The following DNAI7 variants were observed in gnomAD, a reference collection of about 807,000 sequenced individuals.
The protein encoded by DNAI7 is cancer susceptibility 1.
DNAI7 carries 78 observed loss-of-function variants against 86.6 expected under a neutral mutation model. The observed-to-expected ratio is 0.90, with a 90% CI of 0.75 to 1.09. DNAI7 has a LOEUF of 1.09. Among genes scored for constraint, DNAI7 ranks in the 50% least tolerant of loss-of-function variants. The pLI, the probability that DNAI7 is intolerant of heterozygous loss-of-function variation, is 0.00. For missense variants in DNAI7, 753 were observed against 810.2 expected (o/e 0.93, Z 0.86); for synonymous variants, 274 against 273.0 (o/e 1.00, Z -0.04).
At chr12:25,111,675 TA>T in intron 14 of DNAI7, 96 bp downstream of exon 14, 1 of 549,072 alleles carries the variant, frequency 1.8e-6, no homozygotes. Context: ...AATGAATATA[TA>T]AAATACAGTG....
intron 2 of DNAI7, chr12:25,185,724 A>G: frequency 1.0e-6 from 1 of 961,940 alleles, no homozygotes; most frequent in Non-Finnish European, 1.2e-6. Context: ...TCAGCACTGA[A>G]TGTTCCATGA....
chr12:25,110,780 T>TCA (rs1166874352), intron 14 of DNAI7, among the ~76,000 whole-genome samples: 1 of 152,230 alleles, frequency 6.6e-6, no homozygotes, highest in Non-Finnish European at 1.5e-5. Flanking sequence ...ATAGCACTTT[T>TCA]CACCTTTTTA....
intron 1 of DNAI7, among the ~76,000 whole-genome samples, chr12:25,193,558 GA>G (rs1950728410): frequency 1.3e-5 from 2 of 152,158 alleles, no homozygotes; most frequent in South Asian, 4.1e-4. Context: ...GCAGACTTAG[GA>G]AACTAATACA....
At chr12:25,134,352 C>CTTTTTTTTTTTTT (rs5797119) in intron 9 of DNAI7, among the ~76,000 whole-genome samples, 1 of 91,178 alleles carries the variant, frequency 1.1e-5, no homozygotes, top group Non-Finnish European at 2.0e-5. Context: ...CCTTGGCGTA[C>CTTTTTTTTTTTTT]TTTTTTTTTT....
intron 4 of DNAI7, among the ~76,000 whole-genome samples, chr12:25,157,400 T>C (rs1250878177): frequency 6.6e-6 from 1 of 152,130 alleles, no homozygotes; most frequent in Non-Finnish European, 1.5e-5. Context: ...AGATTTTCCT[T>C]ATATGCTTCA....
At chr12:25,190,938 C>G (rs867729561) in intron 1 of DNAI7, among the ~76,000 whole-genome samples, 1 of 152,100 alleles carries the variant, frequency 6.6e-6, no homozygotes, top group South Asian at 2.1e-4. Flanking sequence ...TAATGAAATG[C>G]CCTGTTACTA....
At chr12:25,121,946 G>C (rs199752716) in intron 10 of DNAI7, 33 bp from the exon 11 acceptor site, 1 of 1,435,592 alleles carries the variant, frequency 7.0e-7, no homozygotes, top group East Asian at 2.5e-5. Context: ...TTTTCAAATA[G>C]ATTACAGTTT....
chr12:25,130,734 A>G (rs1365045092), intron 9 of DNAI7, among the ~76,000 whole-genome samples: 1 of 152,110 alleles, frequency 6.6e-6, no homozygotes, highest in Non-Finnish European at 1.5e-5. Context: ...TCTCATTAGA[A>G]AAAAAATTTC....
At chr12:25,187,265 T>C (rs1273115290) in intron 2 of DNAI7, among the ~76,000 whole-genome samples, 2 of 152,150 alleles carry the variant, frequency 1.3e-5, no homozygotes, top group Non-Finnish European at 2.9e-5. Context: ...ACTATGTCTG[T>C]TTCTCCTGCT....
intron 2 of DNAI7, among the ~76,000 whole-genome samples, chr12:25,173,737 T>C (rs1948391786): frequency 6.6e-6 from 1 of 151,230 alleles, no homozygotes; most frequent in Admixed American, 6.6e-5. Context: ...TAAACTGTGA[T>C]ATATATATAT....
chr12:25,111,758 AGATT>A lies in DNAI7; in HGVS notation c.1779+10_1779+13del. 1 of 1,521,504 alleles carries A rather than the reference AGATT, an allele frequency of 6.6e-7. No individual in the cohort carries two copies. The highest frequency in any genetic ancestry group is 2.3e-5 in the East Asian group (1 of 42,998). The allele number at this position is 1,521,504 out of a possible 1,614,324, so 94.3% of individuals were successfully genotyped here. A position where few individuals can be genotyped will look rare whatever the true frequency, so the allele number is the denominator to read the frequency against. ...AATGCACGCCACATTAAATTTGGAA[AGATT>A]CATTCTTGCCTTATTGTTTATAATA... On this transcript the variant is annotated intron_variant, in intron 14 of 15. Transcript: ENST00000395987.
At chr12:25,173,809 A>G (rs1407200614) in intron 2 of DNAI7, among the ~76,000 whole-genome samples, 1 of 149,092 alleles carries the variant, frequency 6.7e-6, no homozygotes, top group African/African-American at 2.5e-5. Context: ...CACACACATC[A>G]TATATATACA....
downstream of DNAI7, among the ~76,000 whole-genome samples, chr12:25,107,279 A>ATGTT (rs1218401075): frequency 2.0e-5 from 3 of 152,266 alleles, no homozygotes; most frequent in Admixed American, 1.3e-4. Context: ...ATTCTATTTT[A>ATGTT]TGTTAGTTAT....
intron 2 of DNAI7, among the ~76,000 whole-genome samples, chr12:25,178,205 A>C (rs1157814982): frequency 6.6e-6 from 1 of 152,224 alleles, no homozygotes; most frequent in African/African-American, 2.4e-5. Context: ...TCTGAATGAA[A>C]AACTAGCATA....
chr12:25,170,849 T>C (rs73077332), intron 2 of DNAI7, among the ~76,000 whole-genome samples: 11,884 of 152,216 alleles, frequency 0.078, 708 homozygotes, highest in Non-Finnish European at 0.11. Flanking sequence ...TGCAAGTACA[T>C]GGAAATTAAG....
At chr12:25,169,602 C>T (rs1040035790) in intron 2 of DNAI7, among the ~76,000 whole-genome samples, 3 of 152,138 alleles carry the variant, frequency 2.0e-5, no homozygotes, top group Non-Finnish European at 4.4e-5. Flanking sequence ...AATCCCAGCA[C>T]TTTGGGAGGC....
At chr12:25,149,407 C>A (rs955953614) in intron 7 of DNAI7, among the ~76,000 whole-genome samples, 18 of 152,096 alleles carry the variant, frequency 1.2e-4, no homozygotes, top group Middle Eastern at 3.4e-3. Flanking sequence ...AGGCAGATCC[C>A]ATCTTTACTA....
intron 9 of DNAI7, among the ~76,000 whole-genome samples, chr12:25,133,054 A>G (rs966784576): frequency 7.2e-5 from 11 of 152,148 alleles, no homozygotes; most frequent in Non-Finnish European, 1.2e-4. Context: ...AGGTCTTCTT[A>G]GTAAAGATAA....
intron 9 of DNAI7, among the ~76,000 whole-genome samples, chr12:25,124,616 A>AT (rs980964378): frequency 2.6e-5 from 4 of 151,696 alleles, no homozygotes; most frequent in Non-Finnish European, 5.9e-5. Flanking sequence ...TTTGAACTAA[A>AT]TTTTTTTTTA....
Sources: allele counts gnomAD v4.1 joint callset (sites outside exome capture counted in the v4.1 genomes callset), GRCh38; gene constraint gnomAD v4.1.1; transcripts MANE v1.5; gene names NCBI Gene and HGNC (gene_info 2026-07-23, HGNC 2026-07-21).